Variants in SEC23B observed in about 807,000 individuals in gnomAD.
SEC23B encodes the protein protein transport protein Sec23B.
SEC23B carries 77 observed loss-of-function variants against 104.3 expected under a neutral mutation model. The observed-to-expected ratio is 0.74, with a 90% confidence interval of 0.61 to 0.89. SEC23B has a LOEUF of 0.89. Ranked by LOEUF, SEC23B falls within the 40% of genes least tolerant of loss-of-function variation. SEC23B has a pLI of 0.00. For missense variants in SEC23B, 885 were observed against 949.4 expected (o/e 0.93, Z 0.89); for synonymous variants, 338 against 332.5 (o/e 1.02, Z -0.18).
At chr20:18,511,181 A>C in intron 2 of SEC23B, 125 bp downstream of exon 2, 1 of 744,230 alleles carries the variant, frequency 1.3e-6, no homozygotes, top group Admixed American at 2.0e-5. Flanking sequence ...AGATGATGAG[A>C]CTCCTAAACG....
Position 18,522,576 on chromosome 20 carries a change from G to A in SEC23B, c.367-1857G>A, listed in dbSNP as rs144109840. 3.1e-3 allele frequency among the ~76,000 whole-genome samples: 469 copies of A among 152,282 alleles called. 3 individuals are homozygous for A. Among genetic ancestry groups the A allele is most frequent in the African/African-American group, 0.011 (447 of 41,550 alleles). On this transcript the variant is annotated intron_variant, in intron 4 of 19. Coordinates refer to ENST00000650089, the MANE Select transcript of SEC23B (RefSeq NM_006363.6). ...TGAGGTCGTAGGCGGATCTCTTCAC[G>A]GGGTGAGGGTGAGGACAGGGGACTG...
chr20:18,509,919 A>C (rs1347672493), intron 1 of SEC23B: 1 of 152,218 alleles, frequency 6.6e-6, no homozygotes, highest in African/African-American at 2.4e-5. Context: ...GAACATAAGC[A>C]ACCGTGGTGA....
intron 14 of SEC23B, among the ~76,000 whole-genome samples, chr20:18,543,441 T>C (rs2122128521): frequency 6.6e-6 from 1 of 152,310 alleles, no homozygotes; most frequent in African/African-American, 2.4e-5. Flanking sequence ...AGATGAGTCA[T>C]TTTGTGAATG....
chr20:18,514,739 T>C (rs2060010495), intron 3 of SEC23B, among the ~76,000 whole-genome samples: 1 of 152,222 alleles, frequency 6.6e-6, no homozygotes, highest in Non-Finnish European at 1.5e-5. Flanking sequence ...ATATATGGGA[T>C]GTTCTCAACT....
At chr20:18,532,593 A>G in intron 10 of SEC23B, 71 bp from the exon 11 acceptor site, 3 of 1,072,202 alleles carry the variant, frequency 2.8e-6, no homozygotes, top group Non-Finnish European at 4.4e-6. Context: ...CTAAGCTTTC[A>G]TTGTGGCCAT....
At chr20:18,534,246 TCTC>T (rs544317627) in intron 11 of SEC23B, among the ~76,000 whole-genome samples, 3 of 152,320 alleles carry the variant, frequency 2.0e-5, no homozygotes, top group South Asian at 2.1e-4. Context: ...ATAACGATGT[TCTC>T]CTACCACGAT....
chr20:18,533,966 A>G (rs918956578), intron 11 of SEC23B, among the ~76,000 whole-genome samples: 10 of 152,260 alleles, frequency 6.6e-5, no homozygotes, highest in Admixed American at 5.9e-4. Context: ...GAATTCAGCC[A>G]TGAAAGTTTT....
At chr20:18,533,281 G>A (rs555592451) in intron 11 of SEC23B, among the ~76,000 whole-genome samples, 15 of 152,260 alleles carry the variant, frequency 9.9e-5, no homozygotes, top group Non-Finnish European at 1.2e-4. Context: ...TGAGATGAGC[G>A]GCTTTGCTTA....
chr20:18,522,333 C>T (rs1244682364), intron 4 of SEC23B, among the ~76,000 whole-genome samples: 1 of 152,206 alleles, frequency 6.6e-6, no homozygotes, highest in Non-Finnish European at 1.5e-5. Context: ...AATGATTAAA[C>T]ACCAAGGGAA....
At chr20:18,520,988 A>G (rs1486079352) in intron 4 of SEC23B, among the ~76,000 whole-genome samples, 2 of 152,086 alleles carry the variant, frequency 1.3e-5, no homozygotes, top group African/African-American at 4.8e-5. Flanking sequence ...CACAGATGGG[A>G]CACGGCTTAG....
At chr20:18,511,599 A>G (rs1212717339) in intron 2 of SEC23B, among the ~76,000 whole-genome samples, 1 of 152,130 alleles carries the variant, frequency 6.6e-6, no homozygotes, top group Non-Finnish European at 1.5e-5. Context: ...AGTGTCATAA[A>G]ATTTTTATAT....
chr20:18,555,301 G>C (rs1176977390), intron 19 of SEC23B, 128 bp downstream of exon 19: 4 of 752,172 alleles, frequency 5.3e-6, no homozygotes, highest in Middle Eastern at 2.4e-4. Flanking sequence ...GTATTTTGCT[G>C]GGGAGTGGCG....
chr20:18,519,684 G>A (rs1348792205), intron 4 of SEC23B, among the ~76,000 whole-genome samples: 7 of 152,174 alleles, frequency 4.6e-5, no homozygotes, highest in Non-Finnish European at 1.0e-4. Context: ...AGAGGAGTGG[G>A]GAAAGGATTT....
At chr20:18,524,392 A>G (rs758082128) in intron 4 of SEC23B, 41 bp from the exon 5 acceptor site, 11 of 1,439,102 alleles carry the variant, frequency 7.6e-6, no homozygotes, top group Non-Finnish European at 3.9e-6. Context: ...GGTTAAGTCT[A>G]TTTGTATATT....
chr20:18,526,426 T>C lies in SEC23B; in HGVS notation c.888T>C (p.Pro296=), dbSNP rs1320353586. ...ARIMLFTGGP[P]TQGPGMVVGD... is the part of the protein sequence containing the mutation. ...TCATGCTGTTTACTGGAGGTCCCCC[T>C]ACCCAAGGGCCTGGCATGGTGGTTG... The change falls in exon 8 of 20, where the codon CCT becomes CCC. Residue 296 remains proline (P), a synonymous_variant. Transcript: ENST00000650089. 1.9e-6 allele frequency: 3 copies of C among 1,614,112 alleles called. No individual in the cohort carries two copies. In the African/African-American group the frequency reaches 4.0e-5, roughly 22 times the overall value.
At chr20:18,509,376 A>G (rs2148882931) in intron 1 of SEC23B, among the ~76,000 whole-genome samples, 1 of 152,334 alleles carries the variant, frequency 6.6e-6, no homozygotes, top group South Asian at 2.1e-4. Flanking sequence ...TGTTATCCAT[A>G]TTCAGGAAGT....
At chr20:18,550,918 A>T (rs1166159780) in intron 16 of SEC23B, among the ~76,000 whole-genome samples, 171 bp from the exon 17 acceptor site, 1 of 152,232 alleles carries the variant, frequency 6.6e-6, no homozygotes, top group Non-Finnish European at 1.5e-5. Context: ...ATGAGTCAGA[A>T]GCAGAAAGTG....
intron 11 of SEC23B, among the ~76,000 whole-genome samples, chr20:18,533,627 G>A (rs2060204706): frequency 6.6e-6 from 1 of 152,226 alleles, no homozygotes; most frequent in Non-Finnish European, 1.5e-5. Context: ...GGAAGTGTGG[G>A]TCTTCTTTCA....
chr20:18,508,886 A>G (rs1333797361), intron 1 of SEC23B, among the ~76,000 whole-genome samples: 2 of 151,784 alleles, frequency 1.3e-5, no homozygotes, highest in Admixed American at 1.3e-4. Context: ...ACGCCCAGCT[A>G]ATTTTTGTAT....
Sources: gnomAD v4.1 joint callset for allele counts (sites outside exome capture counted in the v4.1 genomes callset) on GRCh38, gnomAD v4.1.1 for gene constraint, MANE v1.5 for transcripts, NCBI Gene and HGNC (gene_info 2026-07-23, HGNC 2026-07-21) for gene names.